DNAJC1: variants seen among roughly 807,000 people sequenced by gnomAD.
The protein encoded by DNAJC1 is dnaJ homolog subfamily C member 1.
A neutral mutation model predicts 76.6 loss-of-function variants in DNAJC1; 58 were observed. The ratio of observed to expected loss-of-function variants is 0.76; its 90% confidence interval spans 0.61 to 0.94. DNAJC1 has a LOEUF of 0.94. Among genes scored for constraint, DNAJC1 ranks in the 40% least tolerant of loss-of-function variants. The pLI, the probability that DNAJC1 is intolerant of heterozygous loss-of-function variation, is 0.00. For missense variants in DNAJC1, 689 were observed against 677.3 expected (o/e 1.02, Z -0.19); for synonymous variants, 258 against 267.9 (o/e 0.96, Z 0.36).
chr10:22,002,028 T>C (rs1364457255), intron 1 of DNAJC1, among the ~76,000 whole-genome samples: 1 of 152,176 alleles, frequency 6.6e-6, no homozygotes, highest in Non-Finnish European at 1.5e-5. Flanking sequence ...AAATAAAAAA[T>C]TGTTTCACTC....
At chr10:21,953,626 A>G (rs902137873) in intron 1 of DNAJC1, among the ~76,000 whole-genome samples, 1 of 151,708 alleles carries the variant, frequency 6.6e-6, no homozygotes, top group Non-Finnish European at 1.5e-5. Flanking sequence ...AGCTCCATCT[A>G]GAGGCTTTTC....
chr10:21,763,131 A>G (rs1834260110), intron 10 of DNAJC1, among the ~76,000 whole-genome samples: 1 of 152,078 alleles, frequency 6.6e-6, no homozygotes, highest in Admixed American at 6.5e-5. Flanking sequence ...GGGTTTCACT[A>G]TGTTGGCCAG....
At chr10:21,846,592 A>G (rs1003572550) in intron 8 of DNAJC1, among the ~76,000 whole-genome samples, 2 of 152,202 alleles carry the variant, frequency 1.3e-5, no homozygotes, top group Non-Finnish European at 2.9e-5. Flanking sequence ...ACTTTTTAAA[A>G]TTGAAATATA....
intron 9 of DNAJC1, among the ~76,000 whole-genome samples, chr10:21,796,825 C>A (rs1834755561): frequency 6.6e-6 from 1 of 152,098 alleles, no homozygotes; most frequent in Admixed American, 6.6e-5. Flanking sequence ...TGTAGGAGTT[C>A]CTTACATATT....
chr10:21,788,182 T>C (rs1834636261), intron 9 of DNAJC1, among the ~76,000 whole-genome samples: 1 of 152,246 alleles, frequency 6.6e-6, no homozygotes, highest in Non-Finnish European at 1.5e-5. Flanking sequence ...AACAGCTCCA[T>C]TTACCTCTGT....
At position 22,003,489 on chromosome 10, in the gene DNAJC1, G is replaced by A; in HGVS notation, c.-55C>T. On this transcript the variant is annotated 5_prime_UTR_variant, in exon 1 of 12. Coordinates refer to ENST00000376980, the MANE Select transcript of DNAJC1 (RefSeq NM_022365.4). ...CGCAGCTCCGTTGGCCGAGAGCTGGGACGTGGCGGGCGGCGCTGGCTGTGG... is the reference window on the plus strand; with the variant it reads ...CGCAGCTCCGTTGGCCGAGAGCTGGAACGTGGCGGGCGGCGCTGGCTGTGG... 7.6e-7 allele frequency: 1 copy of A among 1,308,724 alleles called. No individual in the cohort carries two copies. The allele number at this position is 1,308,724 out of a possible 1,614,324, so 81.1% of individuals were successfully genotyped here.
Position 21,759,359 on chromosome 10 carries a change from C to T in DNAJC1, c.1407G>A (p.Lys469=). Residue 469 remains lysine, a synonymous_variant, in exon 11 of 12, where the codon AAG becomes AAA. Coordinates refer to ENST00000376980, the MANE Select transcript of DNAJC1 (RefSeq NM_022365.4). The part of the protein sequence containing the change: ...PEEKSRAKRQ[K]DFDIAEQNES... ...CGTTTTGTTCTGCTATGTCAAAGTC[C>T]TTCTGCCGCTTGGCTCTGGACTTCT... 1 of 1,614,212 alleles carries T rather than the reference C, an allele frequency of 6.2e-7. No individual in the cohort carries two copies. Among genetic ancestry groups the T allele is most frequent in the Non-Finnish European group, 8.5e-7 (1 of 1,180,040 alleles).
At chr10:21,889,052 G>C (rs1170996641) in intron 7 of DNAJC1, among the ~76,000 whole-genome samples, 1 of 152,034 alleles carries the variant, frequency 6.6e-6, no homozygotes, top group African/African-American at 2.4e-5. Context: ...ACTGAGACTG[G>C]GTAACTGATA....
chr10:21,844,957 G>T (rs1269452577), intron 8 of DNAJC1, among the ~76,000 whole-genome samples: 1 of 152,204 alleles, frequency 6.6e-6, no homozygotes, highest in African/African-American at 2.4e-5. Context: ...TTGTGCACAG[G>T]AGGTGCCACT....
intron 7 of DNAJC1, among the ~76,000 whole-genome samples, chr10:21,886,824 T>C (rs868729330): frequency 3.3e-5 from 5 of 151,810 alleles, no homozygotes; most frequent in African/African-American, 4.8e-5. Flanking sequence ...CCTTTGAAAA[T>C]TGGCACAAGA....
chr10:21,807,241 G>T (rs1436217924), intron 8 of DNAJC1, among the ~76,000 whole-genome samples: 1 of 152,150 alleles, frequency 6.6e-6, no homozygotes, highest in East Asian at 1.9e-4. Context: ...CAGGCAGTTT[G>T]CATTACAGAA....
intron 10 of DNAJC1, among the ~76,000 whole-genome samples, chr10:21,765,015 A>G (rs1834282016): frequency 6.6e-6 from 1 of 152,162 alleles, no homozygotes; most frequent in African/African-American, 2.4e-5. Context: ...AGCTCCAGGA[A>G]GATCTACGTC....
At chr10:21,955,742 A>G (rs1837668878) in intron 1 of DNAJC1, among the ~76,000 whole-genome samples, 1 of 152,180 alleles carries the variant, frequency 6.6e-6, no homozygotes, top group African/African-American at 2.4e-5. Flanking sequence ...ACCAAATTTT[A>G]GGAAAAGCAT....
intron 7 of DNAJC1, among the ~76,000 whole-genome samples, chr10:21,882,910 CAA>C (rs1447016934): frequency 6.6e-6 from 1 of 151,962 alleles, no homozygotes; most frequent in Non-Finnish European, 1.5e-5. Flanking sequence ...CTGGCAACAT[CAA>C]GAGTAGTTAT....
intron 1 of DNAJC1, among the ~76,000 whole-genome samples, chr10:21,985,255 T>TA (rs1838224870): frequency 6.6e-6 from 1 of 151,306 alleles, no homozygotes; most frequent in African/African-American, 2.4e-5. Flanking sequence ...CTGCTTTTTT[T>TA]TTTTTTTTTT....
At chr10:21,778,517 CATT>C in intron 9 of DNAJC1, among the ~76,000 whole-genome samples, 1 of 152,246 alleles carries the variant, frequency 6.6e-6, no homozygotes, top group Non-Finnish European at 1.5e-5. Flanking sequence ...TTATCCTATC[CATT>C]TCAAGGGGCT....
intron 8 of DNAJC1, among the ~76,000 whole-genome samples, chr10:21,877,534 C>T (rs1414921315): frequency 6.6e-6 from 1 of 152,110 alleles, no homozygotes; most frequent in East Asian, 1.9e-4. Flanking sequence ...AGGCACTTCA[C>T]TTAGTAAGAT....
At chr10:21,958,131 T>A (rs899883450) in intron 1 of DNAJC1, among the ~76,000 whole-genome samples, 5 of 152,272 alleles carry the variant, frequency 3.3e-5, no homozygotes, top group African/African-American at 1.2e-4. Context: ...AACATATAAG[T>A]AGAAACCTGA....
At chr10:21,898,011 A>G (rs112582846) in intron 7 of DNAJC1, among the ~76,000 whole-genome samples, 5 of 152,346 alleles carry the variant, frequency 3.3e-5, no homozygotes, top group African/African-American at 1.2e-4. Context: ...CTAATAAGTA[A>G]ATTCAGCAAG....
Sources: allele counts gnomAD v4.1 joint callset (sites outside exome capture counted in the v4.1 genomes callset), GRCh38; gene constraint gnomAD v4.1.1; transcripts MANE v1.5; gene names NCBI Gene and HGNC (gene_info 2026-07-23, HGNC 2026-07-21).